Variants in PDE8B observed in about 807,000 individuals in gnomAD.
The protein encoded by PDE8B is phosphodiesterase 8B.
Under a neutral mutation model 101.3 loss-of-function variants are expected in PDE8B, and 26 were observed. The ratio of observed to expected loss-of-function variants is 0.26; its 90% CI spans 0.19 to 0.36. The LOEUF is 0.36. Ranked by LOEUF, PDE8B falls within the 10% of genes least tolerant of loss-of-function variation. The probability of loss-of-function intolerance (pLI) is 1.00; values close to 1 mark genes in which losing one functional copy is unlikely to be tolerated. For missense variants in PDE8B, 810 were observed against 1,163.1 expected, an observed-to-expected ratio of 0.70 and a Z score of 4.42; for synonymous variants, 424 against 429.3, an observed-to-expected ratio of 0.99 and a Z score of 0.15.
chr5:77,302,213 C>T (rs1454357535), intron 1 of PDE8B, among the ~76,000 whole-genome samples: 2 of 152,192 alleles, frequency 1.3e-5, no homozygotes, highest in Non-Finnish European at 2.9e-5. Flanking sequence ...TTTCTCATTA[C>T]GACTTCAGAG....
the PDE8B span, among the ~76,000 whole-genome samples, chr5:77,108,556 G>A: frequency 4.6e-5 from 7 of 152,094 alleles, no homozygotes; most frequent in East Asian, 1.9e-4. Flanking sequence ...GGTGGCGCAC[G>A]CCTCTAGTCC....
At chr5:77,122,411 A>G in the PDE8B span, among the ~76,000 whole-genome samples, 1 of 152,318 alleles carries the variant, frequency 6.6e-6, no homozygotes, top group African/African-American at 2.4e-5. Flanking sequence ...CAAAATTCAA[A>G]AACAATAATC....
At chr5:77,237,888 C>T (rs1156923941) in intron 1 of PDE8B, among the ~76,000 whole-genome samples, 1 of 152,088 alleles carries the variant, frequency 6.6e-6, no homozygotes, top group Non-Finnish European at 1.5e-5. Context: ...ACAGGTTCCC[C>T]CCACCCCAGG....
At chr5:77,234,663 A>G (rs974022705) in intron 1 of PDE8B, among the ~76,000 whole-genome samples, 2 of 152,076 alleles carry the variant, frequency 1.3e-5, no homozygotes, top group African/African-American at 2.4e-5. Flanking sequence ...CTTTCCATAG[A>G]AGTTTGACCT....
chr5:77,210,605 A>G, upstream of PDE8B: 1 of 976,048 alleles, frequency 1.0e-6, no homozygotes, highest in South Asian at 4.6e-5. This position sits in a 1 kb window ranked among gnomAD's most constrained non-coding sequence, Gnocchi z 4.9. Flanking sequence ...GGAGGAGGGG[A>G]AGGCGGAGGC....
the PDE8B span, among the ~76,000 whole-genome samples, chr5:77,108,393 T>C: frequency 1.3e-5 from 2 of 152,186 alleles, no homozygotes; most frequent in Admixed American, 6.5e-5. Flanking sequence ...TTTAAAAATA[T>C]ATTAATGCAG....
the PDE8B span, among the ~76,000 whole-genome samples, chr5:77,136,159 A>T: frequency 2.0e-5 from 3 of 151,944 alleles, no homozygotes; most frequent in African/African-American, 7.3e-5. Flanking sequence ...TGTTTTCTAT[A>T]TTATTCTGTT....
chr5:77,275,639 G>A (rs1053158774), intron 1 of PDE8B, among the ~76,000 whole-genome samples: 1 of 152,174 alleles, frequency 6.6e-6, no homozygotes, highest in African/African-American at 2.4e-5. Context: ...TGCTTTAATT[G>A]CTGCACAATT....
At chr5:77,139,242 C>T in the PDE8B span, 5 of 152,262 alleles carry the variant, frequency 3.3e-5, no homozygotes, top group African/African-American at 1.2e-4. Flanking sequence ...TCCTTCTCTT[C>T]CCCTTTATTT....
chr5:77,323,780 A>G (rs538511339), intron 2 of PDE8B, among the ~76,000 whole-genome samples: 1 of 152,274 alleles, frequency 6.6e-6, no homozygotes, highest in South Asian at 2.1e-4. Flanking sequence ...AACATGGCGA[A>G]ACCCCATTTC....
At chr5:77,101,783 G>T in the PDE8B span, among the ~76,000 whole-genome samples, 1,629 of 152,110 alleles carry the variant, frequency 0.011, 34 homozygotes, top group African/African-American at 0.036. Context: ...AACATATACT[G>T]TGTAGGTACT....
At chr5:77,266,924 C>A (rs761800938) in intron 1 of PDE8B, among the ~76,000 whole-genome samples, 2 of 151,546 alleles carry the variant, frequency 1.3e-5, no homozygotes, top group Non-Finnish European at 2.9e-5. Context: ...AGGTGTTGAA[C>A]TGAGCTTTTG....
intron 1 of PDE8B, among the ~76,000 whole-genome samples, chr5:77,289,694 A>G (rs1451430115): frequency 6.6e-6 from 1 of 152,244 alleles, no homozygotes; most frequent in Non-Finnish European, 1.5e-5. Context: ...TGGGAGCCTT[A>G]CAATTCTCAA....
intron 10 of PDE8B, among the ~76,000 whole-genome samples, chr5:77,366,734 G>C (rs985453966): frequency 2.0e-5 from 3 of 152,180 alleles, no homozygotes; most frequent in African/African-American, 7.2e-5. Flanking sequence ...GTCCCTCAGA[G>C]GGAATTGTCT....
chr5:77,106,950 G>A, the PDE8B span, among the ~76,000 whole-genome samples: 3 of 151,594 alleles, frequency 2.0e-5, no homozygotes, highest in East Asian at 1.9e-4. Context: ...TGTGCACAAC[G>A]TGCAGGTTTG....
At chr5:77,274,388 C>G (rs1430209970) in intron 1 of PDE8B, among the ~76,000 whole-genome samples, 1 of 152,190 alleles carries the variant, frequency 6.6e-6, no homozygotes, top group African/African-American at 2.4e-5. Context: ...CCACTGCTTC[C>G]TGCTGCCTTC....
At chr5:77,316,855 CCCT>C (rs1773870382) in intron 2 of PDE8B, among the ~76,000 whole-genome samples, 1 of 152,136 alleles carries the variant, frequency 6.6e-6, no homozygotes, top group Non-Finnish European at 1.5e-5. Flanking sequence ...CCATTGATTT[CCCT>C]CATGTGAGTT....
intron 10 of PDE8B, among the ~76,000 whole-genome samples, chr5:77,355,368 TAC>T (rs1561574380): frequency 6.6e-6 from 1 of 152,230 alleles, no homozygotes; most frequent in Admixed American, 6.5e-5. Flanking sequence ...TCTGGCTAAC[TAC>T]AGTGTTTTTC....
In PDE8B at chr5:77,330,529, A is replaced by T. The variant is rs114082921; in HGVS notation, c.651-873A>T. The stretch of plus-strand genomic sequence containing the variant: ...CTTCCTAACAGTCAGAGAAGATAGA[A>T]TTTGGAGTTCCAGAAGAAAAAGAAA... On this transcript the variant is annotated intron_variant, in intron 4 of 21. Transcript: ENST00000264917. Among the ~76,000 whole-genome samples, 794 of 152,318 alleles carry T rather than the reference A, an allele frequency of 5.2e-3. 7 individuals are homozygous for T. Among genetic ancestry groups the T allele is most frequent in the African/African-American group, 0.019 (774 of 41,578 alleles).
Sources: allele counts gnomAD v4.1 joint callset (sites outside exome capture counted in the v4.1 genomes callset), GRCh38; gene constraint gnomAD v4.1.1; non-coding constraint Gnocchi (gnomAD v3.1); transcripts MANE v1.5; gene names NCBI Gene and HGNC (gene_info 2026-07-23, HGNC 2026-07-21).